The following DOCK4 variants were observed in gnomAD, a reference collection of about 807,000 sequenced individuals.
DOCK4 encodes dedicator of cytokinesis protein 4.
Under a neutral mutation model 268.1 loss-of-function variants are expected in DOCK4, and 97 were observed. That is an observed-to-expected ratio of 0.36 (90% CI 0.31 to 0.43). The LOEUF is 0.43. DOCK4 is among the 20% of genes least tolerant of loss of function. DOCK4 has a pLI of 1.00. For missense variants in DOCK4, 2,145 were observed against 2,455.7 expected, an observed-to-expected ratio of 0.87 and a Z score of 2.67; for synonymous variants, 954 against 887.2, an observed-to-expected ratio of 1.08 and a Z score of -1.34.
chr7:112,069,006 C>T (rs1807337082), intron 1 of DOCK4, among the ~76,000 whole-genome samples: 1 of 152,180 alleles, frequency 6.6e-6, no homozygotes, highest in Non-Finnish European at 1.5e-5. Context: ...TAATTCTTCA[C>T]TCCTGTATAA....
intron 25 of DOCK4, 54 bp downstream of exon 25, chr7:111,844,709 T>C: frequency 6.4e-7 from 1 of 1,553,394 alleles, no homozygotes; most frequent in Non-Finnish European, 8.7e-7. Flanking sequence ...ACCTGCAACG[T>C]GACTGAAGCA....
intron 39 of DOCK4, among the ~76,000 whole-genome samples, chr7:111,763,744 G>A (rs56020716): frequency 0.91 from 138,204 of 152,068 alleles, 63,390 homozygotes; most frequent in East Asian, 0.98. Context: ...CTGCTGCTCT[G>A]CTCAGAACCT....
At chr7:111,931,180 C>T (rs1447605398) in intron 12 of DOCK4, among the ~76,000 whole-genome samples, 3 of 152,116 alleles carry the variant, frequency 2.0e-5, no homozygotes, top group African/African-American at 7.2e-5. Flanking sequence ...AAAGTGCATA[C>T]ATTTGGTTGC....
chr7:112,187,885 A>G (rs773910876), intron 1 of DOCK4, among the ~76,000 whole-genome samples: 3 of 152,214 alleles, frequency 2.0e-5, no homozygotes, highest in Non-Finnish European at 2.9e-5. Context: ...GAAAAAGAAA[A>G]GAAGACTTTC....
At chr7:112,097,270 G>A (rs557718275) in intron 1 of DOCK4, among the ~76,000 whole-genome samples, 22 of 152,336 alleles carry the variant, frequency 1.4e-4, no homozygotes, top group South Asian at 4.1e-4. Context: ...CTAGGAGAAG[G>A]ATGAAAAAGA....
At chr7:111,851,635 G>C (rs1472678807) in intron 23 of DOCK4, among the ~76,000 whole-genome samples, 1 of 151,830 alleles carries the variant, frequency 6.6e-6, no homozygotes, top group Non-Finnish European at 1.5e-5. Flanking sequence ...ATCCCTATTT[G>C]TTGCCTTCTT....
At chr7:111,960,523 C>CTTTTTTTTTTTTT in intron 8 of DOCK4, among the ~76,000 whole-genome samples, 1 of 78,488 alleles carries the variant, frequency 1.3e-5, no homozygotes, top group Non-Finnish European at 2.3e-5. Context: ...ACCTCATGTG[C>CTTTTTTTTTTTTT]TTTTTTTTTT....
intron 1 of DOCK4, among the ~76,000 whole-genome samples, chr7:112,155,797 T>A (rs1248915486): frequency 6.6e-6 from 1 of 152,184 alleles, no homozygotes. Context: ...CCTATCATCA[T>A]CCAAAAGAAC....
At chr7:111,864,260 C>T (rs1253992286) in intron 22 of DOCK4, among the ~76,000 whole-genome samples, 6 of 151,266 alleles carry the variant, frequency 4.0e-5, no homozygotes, top group African/African-American at 1.2e-4. Flanking sequence ...AAAAAAAACC[C>T]GATCATCATT....
intron 15 of DOCK4, among the ~76,000 whole-genome samples, chr7:111,897,581 C>T (rs1258548466): frequency 1.3e-5 from 2 of 152,144 alleles, no homozygotes; most frequent in Non-Finnish European, 2.9e-5. Context: ...CCCAGTTCTA[C>T]ACTCAGTGAT....
intron 16 of DOCK4, among the ~76,000 whole-genome samples, chr7:111,882,906 G>C (rs1407698472): frequency 6.6e-6 from 1 of 152,064 alleles, no homozygotes; most frequent in Non-Finnish European, 1.5e-5. Flanking sequence ...ACCATGCCTG[G>C]CTACATTTTT....
chr7:112,068,022 A>T (rs61308285), intron 1 of DOCK4, among the ~76,000 whole-genome samples: 33,514 of 152,090 alleles, frequency 0.22, 7,042 homozygotes, highest in African/African-American at 0.54. Context: ...AGAGCCAAGA[A>T]AATTATGCAT....
At chr7:111,926,698 T>G (rs1271678483) in intron 12 of DOCK4, among the ~76,000 whole-genome samples, 1 of 150,944 alleles carries the variant, frequency 6.6e-6, no homozygotes, top group Non-Finnish European at 1.5e-5. Context: ...CCAAGCGTGG[T>G]GGTGTGCCAC....
chr7:111,835,180 CCA>C (rs1803141491), intron 25 of DOCK4, among the ~76,000 whole-genome samples: 5 of 152,106 alleles, frequency 3.3e-5, no homozygotes, highest in Admixed American at 2.6e-4. Flanking sequence ...GGCATTATCC[CCA>C]GTCTTTCTGC....
intron 13 of DOCK4, among the ~76,000 whole-genome samples, chr7:111,914,629 T>C (rs919888905): frequency 1.3e-5 from 2 of 152,174 alleles, no homozygotes; most frequent in Non-Finnish European, 2.9e-5. Context: ...GGCTTCCTCA[T>C]GTCTTTTAGG....
At chr7:112,052,861 A>G (rs1805483180) in intron 1 of DOCK4, among the ~76,000 whole-genome samples, 1 of 152,156 alleles carries the variant, frequency 6.6e-6, no homozygotes, top group Non-Finnish European at 1.5e-5. Flanking sequence ...CTAAGGCCCA[A>G]GGAAAGTTGA....
chr7:111,854,106 T>C (rs1031998354), intron 23 of DOCK4, among the ~76,000 whole-genome samples: 3 of 152,034 alleles, frequency 2.0e-5, no homozygotes, highest in African/African-American at 4.8e-5. Context: ...AATTTTTATA[T>C]TTTTAGTAAG....
At position 112,160,021 on chromosome 7, in the gene DOCK4, T is replaced by C. The variant is rs558686766; in HGVS notation, c.37+46081A>G. Among the ~76,000 whole-genome samples, 4 of 152,172 alleles carry C rather than the reference T, an allele frequency of 2.6e-5. No homozygotes were observed. In the South Asian group the frequency reaches 8.3e-4, roughly 32 times the overall value. On this transcript the variant is annotated intron_variant, in intron 1 of 52. Coordinates refer to ENST00000428084, the MANE Select transcript of DOCK4 (RefSeq NM_001363540.2). ...CACTCCAATGAGCATTTCAGGCTTA[T>C]AGATTTGGGATGCTCAACCAGTAAA...
rs116521091 is a variant in DOCK4, at chr7:111,937,882, G to A, written c.977+2228C>T. Among the ~76,000 whole-genome samples the A allele has an allele frequency of 4.0e-3, 614 of 152,298 alleles. 10 individuals carry two copies. Among genetic ancestry groups the A allele is most frequent in the African/African-American group, 0.014 (564 of 41,562 alleles). ...CCTATGAGTAAAACTGAGTAGGAGC[G>A]TCTGTCTGCTTCATGGGTTTGTTGT... On this transcript the variant is annotated intron_variant, in intron 11 of 52. Transcript: ENST00000428084.
Sources: gnomAD v4.1 joint callset for allele counts (sites outside exome capture counted in the v4.1 genomes callset) on GRCh38, gnomAD v4.1.1 for gene constraint, MANE v1.5 for transcripts, NCBI Gene and HGNC (gene_info 2026-07-23, HGNC 2026-07-21) for gene names.